Variants in VWF observed in about 807,000 individuals in gnomAD.
VWF encodes the protein von Willebrand factor.
A neutral mutation model predicts 308.6 loss-of-function variants in VWF; 176 were observed. That is an observed-to-expected ratio of 0.57 (90% CI 0.50 to 0.65). The LOEUF (loss-of-function observed/expected upper bound fraction) is 0.65. VWF is among the 30% of genes least tolerant of loss of function. VWF has a pLI of 0.00. For missense variants in VWF, 3,146 were observed against 3,648.2 expected (o/e 0.86, Z 3.55); for synonymous variants, 1,385 against 1,443.4 (o/e 0.96, Z 0.92).
intron 6 of VWF, among the ~76,000 whole-genome samples, chr12:6,079,829 GAC>G (rs1178127990): frequency 1.3e-5 from 2 of 152,024 alleles, no homozygotes; most frequent in Non-Finnish European, 2.9e-5. Context: ...AGCTCATTAG[GAC>G]ACAGCAAAGC....
At chr12:6,105,141 G>A (rs1158660859) in intron 5 of VWF, among the ~76,000 whole-genome samples, 2 of 152,034 alleles carry the variant, frequency 1.3e-5, no homozygotes, top group Admixed American at 6.6e-5. Context: ...TTACTTAATG[G>A]GTACAAAGTA....
chr12:5,988,039 C>A (rs887967887), intron 38 of VWF, among the ~76,000 whole-genome samples: 1 of 152,100 alleles, frequency 6.6e-6, no homozygotes, highest in Non-Finnish European at 1.5e-5. Flanking sequence ...AGTAAGAGTG[C>A]AAAAGGAGAG....
rs1426564202 is a variant in VWF, at chr12:6,029,483, A to G, written c.2826T>C (p.Asn942=). ...GEIELFDGEV[N]VKRPMKDETH... is the part of the protein sequence containing the mutation. ...TCTCATCCTTCATGGGCCTCTTCACATTCACCTGGAGGAAGACAAAGCAAG... is the reference window on the plus strand; with the variant it reads ...TCTCATCCTTCATGGGCCTCTTCACGTTCACCTGGAGGAAGACAAAGCAAG... The change falls in exon 22 of 52, where the codon AAT becomes AAC. Residue 942 remains asparagine (N), a synonymous_variant. Transcript: ENST00000261405. 2 of 1,614,086 alleles carry G rather than the reference A, an allele frequency of 1.2e-6. No individual in the cohort carries two copies. The highest frequency in any genetic ancestry group is 2.2e-5 in the South Asian group (2 of 91,074).
At position 5,952,969 on chromosome 12, in the gene VWF, C is replaced by T. The variant is rs576159750; in HGVS notation, c.7987-450G>A. 2.4e-4 allele frequency among the ~76,000 whole-genome samples: 37 copies of T among 152,284 alleles called. 1 individual carries two copies. The highest frequency in any genetic ancestry group is 7.9e-4 in the African/African-American group (33 of 41,550). On this transcript the variant is annotated intron_variant, in intron 48 of 51. Coordinates refer to ENST00000261405, the MANE Select transcript of VWF (RefSeq NM_000552.5). ...CCAGGCCAGGCACGGTGGCTCACAC[C>T]TGTAATCCCAGCACTTTGGGAGGCC... is the stretch of plus-strand genomic sequence containing the variant.
chr12:5,986,264 G>A (rs950986524), intron 38 of VWF, among the ~76,000 whole-genome samples: 1 of 152,122 alleles, frequency 6.6e-6, no homozygotes, highest in Non-Finnish European at 1.5e-5. Flanking sequence ...GCTGCATTCC[G>A]CTGTGCCTCA....
Position 5,996,109 on chromosome 12 carries a change from C to A in VWF, c.5956G>T (p.Val1986Leu). The A allele has an allele frequency of 6.2e-7, 1 of 1,614,114 alleles. No individual in the cohort carries two copies. The highest frequency in any genetic ancestry group is 1.1e-5 in the South Asian group (1 of 91,060). ...CTGCAGGCACCATTATGGAGAATCACCTCCAGGTCCTGCTCCTTGTTTTGA... is the reference window on the plus strand; with the variant it reads ...CTGCAGGCACCATTATGGAGAATCAACTCCAGGTCCTGCTCCTTGTTTTGA... ...LFQNKEQDLE[V>L]ILHNGACSPG... The change falls in exon 35 of 52, where the codon GTG becomes TTG. Residue 1986 changes from valine (V) to leucine (L), a missense_variant. This residue lies in a region of VWF where 989 missense variants were observed against 1,117.4 expected (regional missense o/e 0.89). Transcript: ENST00000261405.
chr12:6,046,721 A>AC lies in VWF; in HGVS notation c.2281+1dup. The stretch of plus-strand genomic sequence containing the variant: ...TGGGCCTTCCAGGGGGACAGTACTC[A>AC]CTGCGATGAGACAGGGGACTGCTGA... On this transcript the variant is annotated splice_donor_variant, in intron 17 of 51. Transcript: ENST00000261405. LOFTEE classifies it high-confidence loss of function. This position sits in a 1 kb window ranked among gnomAD's most constrained non-coding sequence, Gnocchi z 5.0. 1 of 1,614,064 alleles carries AC rather than the reference A, an allele frequency of 6.2e-7. No homozygotes were observed. Among genetic ancestry groups the AC allele is most frequent in the Non-Finnish European group, 8.5e-7 (1 of 1,179,968 alleles).
Position 5,992,150 on chromosome 12 carries a change from TCCTC to T in VWF, c.6599-136_6599-133del, listed in dbSNP as rs1943752560. ...GACGGCTATTTTCCACCAATCTTCA[TCCTC>T]CCCACCTTCCATAGAAACAGAACTT... On this transcript the variant is annotated intron_variant, in intron 37 of 51. Transcript: ENST00000261405. 6 of 806,552 alleles carry T rather than the reference TCCTC, an allele frequency of 7.4e-6. No individual in the cohort carries two copies. The Middle Eastern group carries it at 6.9e-4, about 93-fold the overall frequency. 50.0% of individuals were successfully genotyped at this position (806,552 alleles called of 1,614,324 possible). A position where few individuals can be genotyped will look rare whatever the true frequency, so the allele number is the denominator to read the frequency against.
At chr12:6,011,217 T>C (rs1206913551) in intron 34 of VWF, among the ~76,000 whole-genome samples, 1 of 152,188 alleles carries the variant, frequency 6.6e-6, no homozygotes, top group Admixed American at 6.5e-5. Context: ...CTTGGTGATG[T>C]ACTGTTGCTA....
At position 5,996,165 on chromosome 12, in the gene VWF, T is replaced by C. The variant is rs1051967565; in HGVS notation, c.5900A>G (p.Lys1967Arg). 6.2e-6 allele frequency: 10 copies of C among 1,614,060 alleles called. No homozygotes were observed. The highest frequency in any genetic ancestry group is 8.5e-6 in the Non-Finnish European group (10 of 1,180,002). ...GACATAAGAACAGCTGCCAGTCAGC[T>C]TGAAATTCTGCCCATCAAAGGTCAC... is the stretch of plus-strand genomic sequence containing the variant. ...HIVTFDGQNFKLTGSCSYVLF... is the reference protein window; with the variant it reads ...HIVTFDGQNFRLTGSCSYVLF... The change falls in exon 35 of 52, where the codon AAG becomes AGG. Residue 1967 changes from lysine to arginine, a missense_variant. Transcript: ENST00000261405.
intron 38 of VWF, among the ~76,000 whole-genome samples, chr12:5,989,722 A>C (rs1190973035): frequency 6.6e-6 from 1 of 152,218 alleles, no homozygotes; most frequent in Non-Finnish European, 1.5e-5. Flanking sequence ...GTTTGGAGAC[A>C]CTAAGATAAA....
intron 5 of VWF, among the ~76,000 whole-genome samples, chr12:6,104,644 C>A (rs979946252): frequency 6.6e-6 from 1 of 151,806 alleles, no homozygotes; most frequent in Non-Finnish European, 1.5e-5. Context: ...TTGCAGTGAG[C>A]TGAGATCAGG....
chr12:6,044,181 T>C, intron 18 of VWF, 110 bp downstream of exon 18: 1 of 1,384,832 alleles, frequency 7.2e-7, no homozygotes, highest in Admixed American at 2.0e-5. Context: ...TCCATTGCTA[T>C]CCGTGTTTAG....
intron 3 of VWF, among the ~76,000 whole-genome samples, chr12:6,112,530 G>A (rs1489390321): frequency 6.6e-6 from 1 of 152,220 alleles, no homozygotes; most frequent in Non-Finnish European, 1.5e-5. Context: ...ATGCCTTGAG[G>A]TCCTGAAGGA....
intron 47 of VWF, among the ~76,000 whole-genome samples, chr12:5,961,992 T>C (rs965316627): frequency 2.6e-5 from 4 of 151,550 alleles, no homozygotes; most frequent in African/African-American, 9.7e-5. Flanking sequence ...GGGAATGCCC[T>C]AGTGCCTTTT....
At position 6,031,537 on chromosome 12, in the gene VWF, C is replaced by T. The variant is rs763257958; in HGVS notation, c.2727G>A (p.Val909=). ...GSNPGTFRIL[V]GNKGCSHPSV... is the part of the protein sequence containing the mutation. ...AGGGGTGGCTGCATCCCTTATTCCC[C>T]ACTAGGATCCGAAAGGTCCCAGGGT... Residue 909 remains valine (V), a synonymous_variant, in exon 21 of 52, where the codon GTG becomes GTA. Transcript: ENST00000261405. 1.2e-6 allele frequency: 2 copies of T among 1,614,096 alleles called. No homozygotes were observed. The highest frequency in any genetic ancestry group is 1.7e-5 in the Admixed American group (1 of 60,028).
intron 47 of VWF, among the ~76,000 whole-genome samples, chr12:5,964,300 A>AT (rs1267334614): frequency 6.6e-6 from 1 of 151,954 alleles, no homozygotes; most frequent in Non-Finnish European, 1.5e-5. Flanking sequence ...ACATACATAC[A>AT]AAAAGCTACC....
In VWF at chr12:6,044,281, G is replaced by A. The variant is rs150286498; in HGVS notation, c.2442+10C>T. On this transcript the variant is annotated intron_variant, in intron 18 of 51. Coordinates refer to ENST00000261405, the MANE Select transcript of VWF (RefSeq NM_000552.5). ...AAGGGCAGGCACCAGCTCTGTGCCTGGTGACTCACCATGCCCGGGGGGCAG... is the reference window on the plus strand; with the variant it reads ...AAGGGCAGGCACCAGCTCTGTGCCTAGTGACTCACCATGCCCGGGGGGCAG... 1.2e-6 allele frequency: 2 copies of A among 1,613,872 alleles called. No homozygotes were observed. The highest frequency in any genetic ancestry group is 1.7e-6 in the Non-Finnish European group (2 of 1,179,944).
chr12:5,952,860 T>C (rs1390542448), intron 48 of VWF, among the ~76,000 whole-genome samples: 1 of 152,328 alleles, frequency 6.6e-6, no homozygotes, highest in African/African-American at 2.4e-5. Flanking sequence ...CCGGACTTCA[T>C]AGACCAGAGT....
Sources: gnomAD v4.1 joint callset for allele counts (sites outside exome capture counted in the v4.1 genomes callset) on GRCh38, gnomAD v4.1.1 for gene constraint, gnomAD v4.1.1 regional missense constraint, Gnocchi (gnomAD v3.1) non-coding constraint, MANE v1.5 for transcripts, NCBI Gene and HGNC (gene_info 2026-07-23, HGNC 2026-07-21) for gene names.